Variants in SUPT3H observed in about 807,000 individuals in gnomAD.
SUPT3H encodes transcription initiation protein SPT3 homolog.
SUPT3H carries 44 observed loss-of-function variants against 44.3 expected under a neutral mutation model. The ratio of observed to expected loss-of-function variants is 0.99; its 90% confidence interval spans 0.78 to 1.28. The LOEUF is 1.28. Ranked by LOEUF, SUPT3H falls within the 50% of genes most tolerant of loss-of-function variation. SUPT3H has a pLI of 0.00. For synonymous variants in SUPT3H, 124 were observed against 125.6 expected, an observed-to-expected ratio of 0.99 and a Z score of 0.09; for missense variants, 380 against 387.1, an observed-to-expected ratio of 0.98 and a Z score of 0.15.
At chr6:45,103,292 T>A (rs1213851982) in intron 3 of SUPT3H, among the ~76,000 whole-genome samples, 1 of 152,130 alleles carries the variant, frequency 6.6e-6, no homozygotes, top group Non-Finnish European at 1.5e-5. Flanking sequence ...CATTCAAATA[T>A]TAAATGGGTA....
intron 10 of SUPT3H, among the ~76,000 whole-genome samples, chr6:44,877,491 C>T (rs926099422): frequency 1.3e-5 from 2 of 151,222 alleles, no homozygotes; most frequent in African/African-American, 4.9e-5. Context: ...AAAAAAATCC[C>T]AGTTTGTAAC....
intron 2 of SUPT3H, among the ~76,000 whole-genome samples, chr6:45,299,322 C>T (rs1475744796): frequency 8.9e-6 from 1 of 112,548 alleles, no homozygotes; most frequent in Non-Finnish European, 1.7e-5. Flanking sequence ...GGCAACACAG[C>T]AAGACTCTGC....
chr6:45,348,614 G>A (rs1791403462), intron 2 of SUPT3H, among the ~76,000 whole-genome samples: 1 of 149,186 alleles, frequency 6.7e-6, no homozygotes, highest in South Asian at 2.1e-4. Context: ...GGTGGAGGTT[G>A]CAGTGAGCCA....
rs764343775 is a variant in SUPT3H, at chr6:44,829,774, C to T, written c.*42G>A. The T allele has an allele frequency of 6.2e-7, 1 of 1,603,064 alleles. No homozygotes were observed. Among genetic ancestry groups the T allele is most frequent in the East Asian group, 2.2e-5 (1 of 44,770 alleles). ...TTCACAAGAAATCACCTTAATATAACATTGCCTTTCCTGTTGTTGCAGGCA... is the reference window on the plus strand; with the variant it reads ...TTCACAAGAAATCACCTTAATATAATATTGCCTTTCCTGTTGTTGCAGGCA... On this transcript the variant is annotated 3_prime_UTR_variant, in exon 11 of 11. Coordinates refer to ENST00000371459, the MANE Select transcript of SUPT3H (RefSeq NM_003599.4).
At chr6:44,854,110 A>C (rs1422903206) in intron 10 of SUPT3H, among the ~76,000 whole-genome samples, 1 of 152,188 alleles carries the variant, frequency 6.6e-6, no homozygotes, top group African/African-American at 2.4e-5. Context: ...CATGACATTC[A>C]GTCATTTAAA....
chr6:45,003,681 A>G lies in SUPT3H; in HGVS notation c.476T>C (p.Ile159Thr), dbSNP rs1299075310. The change falls in exon 6 of 11, where the codon ATT (isoleucine) becomes ACT (threonine). Residue 159 changes from isoleucine (I) to threonine (T), a missense_variant. Ile to Thr is a moderately conservative substitution (Grantham distance 89). Coordinates refer to ENST00000371459, the MANE Select transcript of SUPT3H (RefSeq NM_003599.4). ...ELLAMFEDDE[I>T]DEVKQERMER... ...CATTCTTTCTTGTTTAACTTCATCAATTTCGTCATCTTCAAACATTGCTAA... is the reference window on the plus strand; with the variant it reads ...CATTCTTTCTTGTTTAACTTCATCAGTTTCGTCATCTTCAAACATTGCTAA... 4.3e-6 allele frequency: 7 copies of G among 1,613,678 alleles called. No individual in the cohort carries two copies. Among genetic ancestry groups the G allele is most frequent in the Non-Finnish European group, 5.9e-6 (7 of 1,179,774 alleles).
intron 3 of SUPT3H, among the ~76,000 whole-genome samples, chr6:45,054,512 T>C (rs1256813073): frequency 6.6e-6 from 1 of 152,240 alleles, no homozygotes; most frequent in Non-Finnish European, 1.5e-5. Flanking sequence ...TGAAGGCTCC[T>C]GTGTCATGTA....
rs191800845 is a variant in SUPT3H, at chr6:44,827,201, C to G, written c.*2615G>C. 5.9e-5 allele frequency among the ~76,000 whole-genome samples: 9 copies of G among 152,214 alleles called. No homozygotes were observed. The East Asian group carries it at 1.7e-3, about 29-fold the overall frequency. ...ATTTCCATTTGACTTAGAGTTAAGC[C>G]TGATGTGTAAGATAACAGACTGTTT... On this transcript the variant is annotated 3_prime_UTR_variant, in exon 11 of 11. Transcript: ENST00000371459.
Position 45,095,333 on chromosome 6 carries a change from C to T in SUPT3H, c.186+10589G>A, listed in dbSNP as rs1036317363. Reference sequence around the variant, plus strand: ...TTTAAAACACACCCATAAAACATTACTGAGGTGGCATAAGTGACAGCCTCA... The same window carrying T: ...TTTAAAACACACCCATAAAACATTATTGAGGTGGCATAAGTGACAGCCTCA... On this transcript the variant is annotated intron_variant, in intron 3 of 10. Transcript: ENST00000371459. The surrounding 1 kb of genome is among the most constrained non-coding windows in gnomAD (Gnocchi z 4.1). 1.1e-4 allele frequency among the ~76,000 whole-genome samples: 17 copies of T among 152,094 alleles called. No homozygotes were observed. The highest frequency in any genetic ancestry group is 2.1e-4 in the Non-Finnish European group (14 of 68,000).
Position 45,147,235 on chromosome 6 carries a change from C to T in SUPT3H, c.102-41229G>A, listed in dbSNP as rs573376688. On this transcript the variant is annotated intron_variant, in intron 2 of 10. Coordinates refer to ENST00000371459, the MANE Select transcript of SUPT3H (RefSeq NM_003599.4). The stretch of plus-strand genomic sequence containing the variant: ...TCTCCTGACTACTACATTATATTGT[C>T]GAGATATTTAAAATACGTTGTCCTC... 5.3e-5 allele frequency among the ~76,000 whole-genome samples: 8 copies of T among 151,828 alleles called. No homozygotes were observed. The East Asian group carries it at 1.4e-3, about 26-fold the overall frequency.
At position 44,840,379 on chromosome 6, in the gene SUPT3H, G is replaced by A. The variant is rs1008319900; in HGVS notation, c.913-10522C>T. On this transcript the variant is annotated intron_variant, in intron 10 of 10. Coordinates refer to ENST00000371459, the MANE Select transcript of SUPT3H (RefSeq NM_003599.4). ...CACTTTCGGGACTGCCTGGCCTCCTGTGCATGCAGCCAGTCTCTTGTTCAG... is the reference window on the plus strand; with the variant it reads ...CACTTTCGGGACTGCCTGGCCTCCTATGCATGCAGCCAGTCTCTTGTTCAG... Among the ~76,000 whole-genome samples, 9 of 152,330 alleles carry A rather than the reference G, an allele frequency of 5.9e-5. No individual in the cohort carries two copies. The East Asian group carries it at 1.7e-3, about 29-fold the overall frequency.
At position 45,187,482 on chromosome 6, in the gene SUPT3H, C is replaced by T. The variant is rs1814448533; in HGVS notation, c.102-81476G>A. On this transcript the variant is annotated intron_variant, in intron 2 of 10. Coordinates refer to ENST00000371459, the MANE Select transcript of SUPT3H (RefSeq NM_003599.4). ...TTCAGGTTCCTTTCCCTTACGAGGGCTGTGTGCCATGTAAAACTCCTATTA... is the reference window on the plus strand; with the variant it reads ...TTCAGGTTCCTTTCCCTTACGAGGGTTGTGTGCCATGTAAAACTCCTATTA... Among the ~76,000 whole-genome samples the T allele has an allele frequency of 2.0e-5, 3 of 151,714 alleles. No individual in the cohort carries two copies. The South Asian group carries it at 6.2e-4, about 31-fold the overall frequency.
intron 2 of SUPT3H, chr6:45,322,751 A>G (rs964814842): frequency 9.0e-6 from 6 of 664,072 alleles, no homozygotes; most frequent in Non-Finnish European, 1.1e-5. Flanking sequence ...GTATTCCTAA[A>G]AATAAGCCTA....
intron 2 of SUPT3H, among the ~76,000 whole-genome samples, chr6:45,158,004 C>T (rs1408843157): frequency 1.3e-5 from 2 of 148,696 alleles, no homozygotes; most frequent in East Asian, 1.9e-4. Context: ...AACTCCTCAA[C>T]ATGACCCATC....
intron 7 of SUPT3H, among the ~76,000 whole-genome samples, chr6:44,961,166 T>A (rs1420189533): frequency 6.6e-6 from 1 of 152,160 alleles, no homozygotes; most frequent in African/African-American, 2.4e-5. Flanking sequence ...TTATACACTT[T>A]CAATAAGCTG....
chr6:44,921,740 T>C (rs987716978), intron 10 of SUPT3H, among the ~76,000 whole-genome samples: 1 of 152,212 alleles, frequency 6.6e-6, no homozygotes, highest in Admixed American at 6.5e-5. Flanking sequence ...GCCAGAAATG[T>C]AGTCTCTAAC....
At chr6:45,117,585 C>CA (rs1191084363) in intron 2 of SUPT3H, among the ~76,000 whole-genome samples, 1 of 151,962 alleles carries the variant, frequency 6.6e-6, no homozygotes, top group Non-Finnish European at 1.5e-5. Context: ...CACTTCCTTA[C>CA]AAAGCATTCT....
chr6:45,263,683 A>G (rs528840512), intron 2 of SUPT3H, among the ~76,000 whole-genome samples: 2 of 152,262 alleles, frequency 1.3e-5, no homozygotes, highest in East Asian at 3.9e-4. Flanking sequence ...AAATGAACAA[A>G]TGTAAAAAAC....
chr6:44,844,579 T>C (rs1358710128), intron 10 of SUPT3H, among the ~76,000 whole-genome samples: 1 of 152,214 alleles, frequency 6.6e-6, no homozygotes, highest in Non-Finnish European at 1.5e-5. Context: ...ATTATTGATA[T>C]ATGCAATAAC....
Sources: gnomAD v4.1 joint callset for allele counts (sites outside exome capture counted in the v4.1 genomes callset) on GRCh38, gnomAD v4.1.1 for gene constraint, Gnocchi (gnomAD v3.1) non-coding constraint, MANE v1.5 for transcripts, NCBI Gene and HGNC (gene_info 2026-07-23, HGNC 2026-07-21) for gene names.